The following KDM2B variants were observed in gnomAD, a reference collection of about 807,000 sequenced individuals.
KDM2B encodes lysine-specific demethylase 2B.
KDM2B carries 26 observed loss-of-function variants against 150.0 expected under a neutral mutation model. That is an observed-to-expected ratio of 0.17 (90% CI 0.13 to 0.24). The LOEUF is 0.24. Ranked by LOEUF, KDM2B falls within the 10% of genes least tolerant of loss-of-function variation. The pLI is 1.00. For synonymous variants in KDM2B, 734 were observed against 729.5 expected, an observed-to-expected ratio of 1.01 and a Z score of -0.10; for missense variants, 1,265 against 1,816.9, an observed-to-expected ratio of 0.70 and a Z score of 5.52.
In KDM2B at chr12:121,453,614, G is replaced by A. The variant is rs1877711119; in HGVS notation, c.1735-270C>T. ...GGACACAGAGACAGACACGCACGTA[G>A]AGAACGTGTGTGAAGACACAGGCCT... On this transcript the variant is annotated intron_variant, in intron 12 of 22. Coordinates refer to ENST00000377071, the MANE Select transcript of KDM2B (RefSeq NM_032590.5). This position sits in a 1 kb window ranked among gnomAD's most constrained non-coding sequence, Gnocchi z 6.4. 6.6e-6 allele frequency among the ~76,000 whole-genome samples: 1 copy of A among 152,186 alleles called. No individual in the cohort carries two copies. Among genetic ancestry groups the A allele is most frequent in the Admixed American group, 6.5e-5 (1 of 15,280 alleles).
At chr12:121,574,924 T>C (rs1311544457) in intron 3 of KDM2B, among the ~76,000 whole-genome samples, 1 of 152,214 alleles carries the variant, frequency 6.6e-6, no homozygotes, top group Non-Finnish European at 1.5e-5. Flanking sequence ...TTCAAATGCC[T>C]GCTTTCTTTT....
At chr12:121,544,917 A>C (rs1555310456) in intron 6 of KDM2B, among the ~76,000 whole-genome samples, 1 of 152,204 alleles carries the variant, frequency 6.6e-6, no homozygotes, top group Non-Finnish European at 1.5e-5. Context: ...TCTCTAAAAA[A>C]ATAAAAATTA....
rs1877657183 is a variant in KDM2B, at chr12:121,453,313, A to G, written c.1766T>C (p.Leu589Pro). Residue 589 changes from leucine to proline, a missense_variant, in exon 13 of 23, where the codon CTG becomes CCG. Leu to Pro is a moderately conservative substitution (Grantham distance 98, BLOSUM62 -3). Coordinates refer to ENST00000377071, the MANE Select transcript of KDM2B (RefSeq NM_032590.5). The surrounding 1 kb of genome is among the most constrained non-coding windows in gnomAD (Gnocchi z 6.4). ...NRAVGRPKGK[L>P]GPASAVKLAA... ...CAACTTCACCGCGGAGGCCGGGCCC[A>G]GCTTCCCCTTGGGCCGACCCACAGC... The G allele has an allele frequency of 6.3e-7, 1 of 1,593,546 alleles. No homozygotes were observed. Among genetic ancestry groups the G allele is most frequent in the African/African-American group, 1.3e-5 (1 of 74,346 alleles).
chr12:121,426,452 C>T (rs58245346), downstream of KDM2B, among the ~76,000 whole-genome samples: 11,134 of 124,068 alleles, frequency 0.09, 645 homozygotes, highest in African/African-American at 0.18. Flanking sequence ...CCTCCCCCCC[C>T]TTTTTTTTTT....
At chr12:121,438,177 C>T (rs1198923684) in intron 22 of KDM2B, among the ~76,000 whole-genome samples, 4 of 150,796 alleles carry the variant, frequency 2.7e-5, no homozygotes. Flanking sequence ...TCACTTGAAC[C>T]TGGGAGGCAG....
intron 11 of KDM2B, among the ~76,000 whole-genome samples, chr12:121,499,110 ATTT>A (rs68098990): frequency 7.6e-6 from 1 of 131,084 alleles, no homozygotes; most frequent in African/African-American, 2.9e-5. Context: ...CAGTCAATAA[ATTT>A]TTTTTTTTTT....
At chr12:121,563,514 C>T (rs528414529) in intron 4 of KDM2B, among the ~76,000 whole-genome samples, 2 of 151,502 alleles carry the variant, frequency 1.3e-5, no homozygotes, top group South Asian at 2.1e-4. Flanking sequence ...GGCTGAGGCA[C>T]GAGAACTGCT....
intron 11 of KDM2B, among the ~76,000 whole-genome samples, chr12:121,504,658 C>T (rs1555302639): frequency 6.6e-6 from 1 of 152,116 alleles, no homozygotes; most frequent in Non-Finnish European, 1.5e-5. Context: ...GGACTGTCCA[C>T]AGTGATAAAA....
intron 8 of KDM2B, among the ~76,000 whole-genome samples, chr12:121,522,124 G>A (rs28637695): frequency 0.2 from 29,998 of 151,412 alleles, 5,579 homozygotes; most frequent in African/African-American, 0.49. Context: ...AAAAAAAGAA[G>A]AAACGATAAT....
chr12:121,561,811 G>C (rs1400279146), intron 4 of KDM2B, among the ~76,000 whole-genome samples: 1 of 152,128 alleles, frequency 6.6e-6, no homozygotes, highest in Non-Finnish European at 1.5e-5. Flanking sequence ...TTGTGAAATG[G>C]GGAAGCAGGA....
chr12:121,581,948 TG>T (rs1891981421), upstream of KDM2B, among the ~76,000 whole-genome samples: 1 of 152,216 alleles, frequency 6.6e-6, no homozygotes, highest in Admixed American at 6.5e-5. Context: ...GGCTACTCTT[TG>T]AAGTTTGTTT....
Position 121,467,329 on chromosome 12 carries a change from C to A in KDM2B, c.1735-13985G>T. 5 of 982,366 alleles carry A rather than the reference C, an allele frequency of 5.1e-6. No individual in the cohort carries two copies. Among genetic ancestry groups the A allele is most frequent in the Non-Finnish European group, 6.0e-6 (5 of 828,840 alleles). The allele number at this position is 982,366 out of a possible 1,614,324, so 60.9% of individuals were successfully genotyped here. A position where few individuals can be genotyped will look rare whatever the true frequency, so the allele number is the denominator to read the frequency against. On this transcript the variant is annotated intron_variant, in intron 12 of 22. Transcript: ENST00000377071. This position sits in a 1 kb window ranked among gnomAD's most constrained non-coding sequence, Gnocchi z 5.1. ...TCGGGCTCGGGCTCGGGCTCGGGCTCCCGCTGCCGCGAGGAGGGAGCCGCG... is the reference window on the plus strand; with the variant it reads ...TCGGGCTCGGGCTCGGGCTCGGGCTACCGCTGCCGCGAGGAGGGAGCCGCG...
intron 12 of KDM2B, among the ~76,000 whole-genome samples, chr12:121,483,336 C>T (rs1420782062): frequency 2.6e-5 from 4 of 151,880 alleles, no homozygotes; most frequent in Non-Finnish European, 5.9e-5. Flanking sequence ...GTGGAGGCTC[C>T]GTTCACATAT....
Position 121,452,664 on chromosome 12 carries a change from A to T in KDM2B, c.1959+456T>A, listed in dbSNP as rs1192745211. ...CGGCGCGGGGCCACTGCCGGAGCTGAGGCCAGGCGGTGTGGAGGGGCGGGC... is the reference window on the plus strand; with the variant it reads ...CGGCGCGGGGCCACTGCCGGAGCTGTGGCCAGGCGGTGTGGAGGGGCGGGC... On this transcript the variant is annotated intron_variant, in intron 13 of 22. Coordinates refer to ENST00000377071, the MANE Select transcript of KDM2B (RefSeq NM_032590.5). This position sits in a 1 kb window ranked among gnomAD's most constrained non-coding sequence, Gnocchi z 4.4. Among the ~76,000 whole-genome samples the T allele has an allele frequency of 6.6e-6, 1 of 152,236 alleles. No individual in the cohort carries two copies. Among genetic ancestry groups the T allele is most frequent in the Non-Finnish European group, 1.5e-5 (1 of 68,038 alleles).
the KDM2B span, chr12:121,418,099 G>A: frequency 4.7e-6 from 3 of 636,152 alleles, no homozygotes; most frequent in South Asian, 6.1e-5. Context: ...GGTGCTAGGT[G>A]GCTCCAAAGT....
rs782365269 is a variant in KDM2B, at chr12:121,444,019, C to A, written c.2444G>T (p.Arg815Leu). 1.2e-6 allele frequency: 2 copies of A among 1,609,370 alleles called. No individual in the cohort carries two copies. Among genetic ancestry groups the A allele is most frequent in the Non-Finnish European group, 1.7e-6 (2 of 1,177,146 alleles). The change falls in exon 16 of 23, where the codon CGC becomes CTC. Residue 815 changes from arginine to leucine, a missense_variant. By Grantham distance (102) the Arg-to-Leu change is moderately radical (BLOSUM62 -2). This residue lies in a region of KDM2B where 418 missense variants were observed against 402.4 expected (regional missense o/e 1.04). Transcript: ENST00000377071. The stretch of plus-strand genomic sequence containing the variant: ...GCCCCTCCTGGTCCGTACCCGCTTG[C>A]GTCCACTCAGCTCCTGGGGCTTCTC... ...KYEKPQELSGRKRASSLQTSP... is the reference protein window; with the variant it reads ...KYEKPQELSGLKRASSLQTSP...
chr12:121,449,484 T>C (rs541167850), intron 13 of KDM2B, among the ~76,000 whole-genome samples: 1 of 151,932 alleles, frequency 6.6e-6, no homozygotes, highest in Non-Finnish European at 1.5e-5. Context: ...GTAGGAGACG[T>C]AGAAAAATGG....
rs1460652391 is a variant in KDM2B at position 121,575,689 on chromosome 12, A to T, written c.350+92T>A. ...AAAAAAGATCCTTCTCAGTGATGAG[A>T]GGTGGGAAGAGGGTGGAAGAAATCC... On this transcript the variant is annotated intron_variant, in intron 3 of 22. Coordinates refer to ENST00000377071, the MANE Select transcript of KDM2B (RefSeq NM_032590.5). The surrounding 1 kb of genome is among the most constrained non-coding windows in gnomAD (Gnocchi z 4.4). The T allele has an allele frequency of 1.1e-6, 1 of 894,330 alleles. No homozygotes were observed. The highest frequency in any genetic ancestry group is 1.9e-6 in the Non-Finnish European group (1 of 528,690). 55.4% of individuals were successfully genotyped at this position (894,330 alleles called of 1,614,324 possible).
chr12:121,424,950 G>A (rs1384627223), downstream of KDM2B, among the ~76,000 whole-genome samples: 5 of 152,134 alleles, frequency 3.3e-5, no homozygotes, highest in African/African-American at 4.8e-5. Context: ...TTAAAAAGTG[G>A]CTATGCAGAA....
Sources: gnomAD v4.1 joint callset for allele counts (sites outside exome capture counted in the v4.1 genomes callset) on GRCh38, gnomAD v4.1.1 for gene constraint, gnomAD v4.1.1 regional missense constraint, Gnocchi (gnomAD v3.1) non-coding constraint, MANE v1.5 for transcripts, NCBI Gene and HGNC (gene_info 2026-07-23, HGNC 2026-07-21) for gene names.